Variants in UPRT observed in about 807,000 individuals in gnomAD.
UPRT encodes uracil phosphoribosyltransferase homolog, also known as RP11-311P8.3.
UPRT carries 5 observed loss-of-function variants against 22.6 expected under a neutral mutation model. That is an observed-to-expected ratio of 0.22 (90% CI 0.12 to 0.47). The LOEUF is 0.47. Among genes scored for constraint, UPRT ranks in the 20% least tolerant of loss-of-function variants. The pLI, the probability that UPRT is intolerant of heterozygous loss-of-function variation, is 0.99. For missense variants in UPRT, 181 were observed against 239.9 expected (o/e 0.75, Z 1.62); for synonymous variants, 77 against 87.7 (o/e 0.88, Z 0.68).
At chrX:75,178,438 T>C (rs1175579492) in intron 4 of UPRT, among the ~76,000 whole-genome samples, 1 of 112,035 alleles carries the variant, frequency 8.9e-6, no homozygotes, top group East Asian at 2.8e-4. Context: ...CGAAAGTCCC[T>C]TCGTGGTCAC....
At chrX:75,278,626 GAT>G (rs2082641315) in intron 1 of UPRT, among the ~76,000 whole-genome samples, 1 of 112,086 alleles carries the variant, frequency 8.9e-6, no homozygotes, top group Non-Finnish European at 1.9e-5. Context: ...GTATTTAAAA[GAT>G]CATCCTCCCT....
At chrX:75,158,809 C>G (rs1285103418) in intron 1 of UPRT, among the ~76,000 whole-genome samples, 1 of 111,117 alleles carries the variant, frequency 9.0e-6, no homozygotes, top group Non-Finnish European at 1.9e-5. Context: ...CAAATGTCAC[C>G]TGCTTAGAGA....
At chrX:75,268,946 A>G (rs2082599262) in intron 4 of UPRT, among the ~76,000 whole-genome samples, 1 of 111,507 alleles carries the variant, frequency 9.0e-6, no homozygotes, top group Non-Finnish European at 1.9e-5. Flanking sequence ...GGGTATTCAA[A>G]TAGGAACAGA....
At chrX:75,188,335 G>A (rs931128335) in intron 4 of UPRT, among the ~76,000 whole-genome samples, 11 of 112,042 alleles carry the variant, frequency 9.8e-5, no homozygotes, top group Non-Finnish European at 1.3e-4. Flanking sequence ...TAGACTGCTC[G>A]GTGGTCAGGG....
At chrX:75,300,789 C>A (rs1192854617) in intron 5 of UPRT, 78 bp from the exon 6 acceptor site, 8 of 814,618 alleles carry the variant, frequency 9.8e-6, no homozygotes, top group Non-Finnish European at 1.2e-5. Context: ...CCTGTCCCCC[C>A]TCCCCCAAAA....
chrX:75,274,961 C>A (rs16991901), intron 1 of UPRT, among the ~76,000 whole-genome samples: 1,949 of 110,236 alleles, frequency 0.018, 48 homozygotes, highest in African/African-American at 0.061. Flanking sequence ...CAGGTAAACT[C>A]CCCTATACTA....
intron 1 of UPRT, among the ~76,000 whole-genome samples, chrX:75,275,926 G>T (rs747985650): frequency 1.8e-5 from 2 of 111,244 alleles, no homozygotes; most frequent in South Asian, 7.7e-4. Flanking sequence ...TGTCCACGAT[G>T]GTCTTGAACT....
chrX:75,234,644 A>G (rs1338848527), intron 4 of UPRT, among the ~76,000 whole-genome samples: 4 of 111,081 alleles, frequency 3.6e-5, no homozygotes, highest in South Asian at 3.8e-4. Context: ...ACTCAAAACC[A>G]CTCAACTACA....
At position 75,178,136 on chromosome X, in the gene UPRT, G is replaced by A. The variant is rs767873938; in HGVS notation, c.-447+10257G>A. Among the ~76,000 whole-genome samples the A allele has an allele frequency of 3.6e-5, 4 of 112,419 alleles. No individual in the cohort carries two copies. In the East Asian group the frequency reaches 1.1e-3, roughly 32 times the overall value. On this transcript the variant is annotated intron_variant, in intron 4 of 13. Coordinates refer to the UPRT transcript ENST00000652605. ...CTCAGCCCAGAAGTACAGGAAAAGC[G>A]GAAGCTGGTTCTAGGCAAACCAACG...
At chrX:75,209,298 T>C (rs774125878) in intron 4 of UPRT, among the ~76,000 whole-genome samples, 12 of 111,823 alleles carry the variant, frequency 1.1e-4, no homozygotes, top group Non-Finnish European at 1.7e-4. Flanking sequence ...TTCCAGGCCC[T>C]GTCAGTCTTC....
intron 4 of UPRT, among the ~76,000 whole-genome samples, chrX:75,247,135 C>A (rs1380119313): frequency 9.0e-6 from 1 of 110,858 alleles, no homozygotes; most frequent in East Asian, 2.8e-4. Flanking sequence ...AGAAAAAAAA[C>A]AGAGCTCCCA....
At chrX:75,234,807 A>G (rs2082454027) in intron 4 of UPRT, among the ~76,000 whole-genome samples, 1 of 111,508 alleles carries the variant, frequency 9.0e-6, no homozygotes, top group Non-Finnish European at 1.9e-5. Context: ...GGAAATTTAT[A>G]GCACTAAATG....
intron 1 of UPRT, among the ~76,000 whole-genome samples, chrX:75,279,709 T>G (rs1019126499): frequency 3.6e-5 from 4 of 111,322 alleles, no homozygotes; most frequent in Non-Finnish European, 5.7e-5. Context: ...AGTAAGTTCT[T>G]TAGTGGTGAT....
chrX:75,250,440 C>A (rs1252587493), intron 4 of UPRT, among the ~76,000 whole-genome samples: 1 of 111,617 alleles, frequency 9.0e-6, no homozygotes, highest in Admixed American at 9.5e-5. Flanking sequence ...CACCTCTATG[C>A]AAATAAACTA....
chrX:75,245,966 A>C lies in UPRT; in HGVS notation c.-446-45058A>C, dbSNP rs190477896. On this transcript the variant is annotated intron_variant, in intron 4 of 13. Coordinates refer to the UPRT transcript ENST00000652605. ...ATAATAGTTAAAAACAAATAAATAT[A>C]ATTTAAACTTAATATATAAAAACGA... Among the ~76,000 whole-genome samples, 168 of 112,057 alleles carry C rather than the reference A, an allele frequency of 1.5e-3. 1 individual carries two copies. The highest frequency in any genetic ancestry group is 6.0e-4 in the Non-Finnish European group (32 of 53,202).
At chrX:75,167,021 T>G (rs2082214999) in intron 3 of UPRT, among the ~76,000 whole-genome samples, 1 of 111,954 alleles carries the variant, frequency 8.9e-6, no homozygotes, top group Non-Finnish European at 1.9e-5. Flanking sequence ...ATACATCCCT[T>G]GGGTGTACAT....
chrX:75,226,441 T>C (rs1414010213), intron 4 of UPRT, among the ~76,000 whole-genome samples: 2 of 111,966 alleles, frequency 1.8e-5, no homozygotes, highest in East Asian at 5.6e-4. Flanking sequence ...CCTAAAAGAC[T>C]CCACAATCTT....
intron 4 of UPRT, among the ~76,000 whole-genome samples, chrX:75,188,566 A>G (rs1366738947): frequency 8.9e-6 from 1 of 112,651 alleles, no homozygotes; most frequent in African/African-American, 3.2e-5. Flanking sequence ...TTGAGCTTCC[A>G]GGCTGCTTTG....
chrX:75,268,911 C>A (rs774187032), intron 4 of UPRT, among the ~76,000 whole-genome samples: 2 of 111,650 alleles, frequency 1.8e-5, no homozygotes, highest in African/African-American at 6.5e-5. Context: ...CTGGCCAGGG[C>A]AATCAGGCAA....
Sources: allele counts gnomAD v4.1 joint callset (sites outside exome capture counted in the v4.1 genomes callset), GRCh38; gene constraint gnomAD v4.1.1; transcripts MANE v1.5; gene names NCBI Gene and HGNC (gene_info 2026-07-23, HGNC 2026-07-21).